The following RGS22 variants were observed in gnomAD, a reference collection of about 807,000 sequenced individuals.
The protein encoded by RGS22 is regulator of G-protein signaling 22.
In RGS22, 148 loss-of-function variants were observed where a neutral mutation model predicts 172.9. The ratio of observed to expected loss-of-function variants is 0.86; its 90% CI spans 0.75 to 0.98. The LOEUF is 0.98. Ranked by LOEUF, RGS22 falls within the 50% of genes least tolerant of loss-of-function variation. The probability of loss-of-function intolerance (pLI) is 0.00; values close to 1 mark genes in which losing one functional copy is unlikely to be tolerated. For synonymous variants in RGS22, 458 were observed against 480.2 expected (o/e 0.95, Z 0.60); for missense variants, 1,347 against 1,440.8 (o/e 0.93, Z 1.05).
intron 6 of RGS22, among the ~76,000 whole-genome samples, chr8:100,068,031 A>G (rs1455395485): frequency 6.6e-6 from 1 of 152,166 alleles, no homozygotes; most frequent in African/African-American, 2.4e-5. Flanking sequence ...TCATGACATA[A>G]ATAATGTAAG....
rs564928540 is a variant in RGS22 at position 99,998,318 on chromosome 8, T to A, written c.2949+944A>T. On this transcript the variant is annotated intron_variant, in intron 19 of 27. Coordinates refer to ENST00000360863, the MANE Select transcript of RGS22 (RefSeq NM_015668.5). ...CATTTTTCAGAACAACCTTACTAAG[T>A]AATTACTATGACCAACTCAATTTTT... Among the ~76,000 whole-genome samples the A allele has an allele frequency of 8.7e-4, 132 of 152,360 alleles. 1 individual carries two copies. The highest frequency in any genetic ancestry group is 6.8e-3 in the Middle Eastern group (2 of 294).
intron 18 of RGS22, among the ~76,000 whole-genome samples, chr8:100,001,143 G>A (rs1247710690): frequency 6.8e-6 from 1 of 146,664 alleles, no homozygotes; most frequent in Non-Finnish European, 1.5e-5. Flanking sequence ...TATAAAAATT[G>A]CATCATATTT....
At chr8:99,961,750 A>C (rs1810222058) in intron 27 of RGS22, among the ~76,000 whole-genome samples, 1 of 152,180 alleles carries the variant, frequency 6.6e-6, no homozygotes, top group South Asian at 2.1e-4. Flanking sequence ...AGAAATGGGC[A>C]AAAGAGTATA....
At chr8:100,069,824 G>C (rs1314604434) in intron 6 of RGS22, among the ~76,000 whole-genome samples, 1 of 151,690 alleles carries the variant, frequency 6.6e-6, no homozygotes, top group African/African-American at 2.4e-5. Context: ...CTGACCTCGT[G>C]ATCGACCAGC....
At chr8:99,961,937 G>T (rs1810241970) in intron 27 of RGS22, among the ~76,000 whole-genome samples, 1 of 152,098 alleles carries the variant, frequency 6.6e-6, no homozygotes, top group Admixed American at 6.5e-5. Context: ...TTAGGTCAAT[G>T]AATTACACAT....
intron 20 of RGS22, among the ~76,000 whole-genome samples, chr8:99,987,950 T>C (rs2131250111): frequency 6.6e-6 from 1 of 151,982 alleles, no homozygotes; most frequent in South Asian, 2.1e-4. Context: ...AAAGTAATCA[T>C]AATGTTATGA....
At chr8:100,096,353 AAC>A (rs1812966884) in intron 2 of RGS22, among the ~76,000 whole-genome samples, 1 of 152,230 alleles carries the variant, frequency 6.6e-6, no homozygotes, top group South Asian at 2.1e-4. Flanking sequence ...CAAAATTTGC[AAC>A]ACAGATTCTC....
intron 14 of RGS22, among the ~76,000 whole-genome samples, chr8:100,028,912 T>C (rs754000682): frequency 4.6e-5 from 7 of 152,152 alleles, no homozygotes; most frequent in Non-Finnish European, 1.0e-4. Flanking sequence ...ACGGTGATGA[T>C]TTGTACGTGA....
At position 99,965,340 on chromosome 8, in the gene RGS22, G is replaced by A. The variant is rs766663457; in HGVS notation, c.3610C>T (p.Arg1204Ter). 12 of 1,611,218 alleles carry A rather than the reference G, an allele frequency of 7.4e-6. No homozygotes were observed. Among genetic ancestry groups the A allele is most frequent in the African/African-American group, 2.7e-5 (2 of 74,990 alleles). Residue 1204 changes from arginine to a stop codon, truncating the protein, a stop_gained, in exon 24 of 28, where the codon CGA (arginine) becomes TGA (stop). Transcript: ENST00000360863. LOFTEE classifies it high-confidence loss of function. ...GCACCATCTTGCATGCTTACCTGTC[G>A]GCCATATGGTTGGAGGCCTAGGAAG... ...DSFLGLQPYG[R>*]QPTWCYSKYI...
chr8:100,064,155 T>A, intron 7 of RGS22, 112 bp from the exon 8 acceptor site: 1 of 761,910 alleles, frequency 1.3e-6, no homozygotes, highest in Non-Finnish European at 1.9e-6. Context: ...AGGTAGTGAC[T>A]GCATGGACCG....
At chr8:100,062,488 C>A in intron 9 of RGS22, 103 bp downstream of exon 9, 1 of 734,378 alleles carries the variant, frequency 1.4e-6, no homozygotes, top group Non-Finnish European at 2.2e-6. Flanking sequence ...ATAGTCTTGT[C>A]ATTTTATGTT....
At position 100,052,845 on chromosome 8, in the gene RGS22, G is replaced by A; in HGVS notation, c.1646C>T (p.Pro549Leu). The A allele has an allele frequency of 6.2e-7, 1 of 1,614,072 alleles. No homozygotes were observed. The highest frequency in any genetic ancestry group is 8.5e-7 in the Non-Finnish European group (1 of 1,179,980). ...TGGAATGCAAGATTTGGGTCTTAATGGCAAGAGGGTTGCCATTTGTGGAAA... is the reference window on the plus strand; with the variant it reads ...TGGAATGCAAGATTTGGGTCTTAATAGCAAGAGGGTTGCCATTTGTGGAAA... ...DPFPQMATLLPLRPKSCIPQI... is the reference protein window; with the variant it reads ...DPFPQMATLLLLRPKSCIPQI... Residue 549 changes from proline (P) to leucine (L), a missense_variant, in exon 10 of 28, where the codon CCA becomes CTA. By Grantham distance (98) the Pro-to-Leu change is moderately conservative (BLOSUM62 -3). Coordinates refer to ENST00000360863, the MANE Select transcript of RGS22 (RefSeq NM_015668.5).
Position 100,002,490 on chromosome 8 carries a change from G to A in RGS22, c.2628-126C>T, listed in dbSNP as rs955032898. On this transcript the variant is annotated intron_variant, in intron 17 of 27. Coordinates refer to ENST00000360863, the MANE Select transcript of RGS22 (RefSeq NM_015668.5). ...TCTTGACTAGTAGCATTAGATCATGGAAATAACGAACCCAATATTGTATCT... is the reference window on the plus strand; with the variant it reads ...TCTTGACTAGTAGCATTAGATCATGAAAATAACGAACCCAATATTGTATCT... The A allele has an allele frequency of 3.8e-6, 3 of 799,114 alleles. No individual in the cohort carries two copies. In the African/African-American group the frequency reaches 5.5e-5, roughly 15 times the overall value. The allele number at this position is 799,114 out of a possible 1,614,324, so 49.5% of individuals were successfully genotyped here.
intron 14 of RGS22, chr8:100,038,405 T>C (rs1004290623): frequency 6.6e-6 from 1 of 152,132 alleles, no homozygotes; most frequent in African/African-American, 2.4e-5. Context: ...ACTCCCTGAG[T>C]GTCTGTCTCC....
chr8:100,066,339 T>C (rs1424393342), intron 6 of RGS22, 43 bp from the exon 7 acceptor site: 1 of 1,534,056 alleles, frequency 6.5e-7, no homozygotes, highest in Non-Finnish European at 9.0e-7. Context: ...TGATTAGCAG[T>C]ATTACTCTGA....
rs542130818 is a variant in RGS22, at chr8:100,024,536, G to C, written c.2166+14395C>G. Among the ~76,000 whole-genome samples, 3 of 152,220 alleles carry C rather than the reference G, an allele frequency of 2.0e-5. No individual in the cohort carries two copies. In the East Asian group the frequency reaches 5.8e-4, roughly 29 times the overall value. On this transcript the variant is annotated intron_variant, in intron 14 of 27. Transcript: ENST00000360863. ...CTGAGCATACAAGGTAAACAGAGCAGACTGTCTTCATGGACCTACAGTCTC... is the reference window on the plus strand; with the variant it reads ...CTGAGCATACAAGGTAAACAGAGCACACTGTCTTCATGGACCTACAGTCTC...
intron 6 of RGS22, among the ~76,000 whole-genome samples, chr8:100,067,865 C>T (rs1034289369): frequency 5.9e-5 from 9 of 151,880 alleles, no homozygotes; most frequent in African/African-American, 1.5e-4. Context: ...CCTCATGATC[C>T]GCCCGCCTCA....
chr8:100,105,871 T>G (rs1813898513), intron 1 of RGS22, 26 bp downstream of exon 1: 1 of 1,505,154 alleles, frequency 6.6e-7, no homozygotes, highest in Non-Finnish European at 8.9e-7. Context: ...GGGCTGATCC[T>G]CTGTCCCTGT....
chr8:100,029,015 C>T (rs765262293), intron 14 of RGS22, among the ~76,000 whole-genome samples: 4 of 152,204 alleles, frequency 2.6e-5, no homozygotes, highest in Non-Finnish European at 4.4e-5. Context: ...AACTGCCACA[C>T]TGTGGGCTGC....
Sources: gnomAD v4.1 joint callset for allele counts (sites outside exome capture counted in the v4.1 genomes callset) on GRCh38, gnomAD v4.1.1 for gene constraint, MANE v1.5 for transcripts, NCBI Gene and HGNC (gene_info 2026-07-23, HGNC 2026-07-21) for gene names.